The following NRG1 variants were observed in gnomAD, a reference collection of about 807,000 sequenced individuals.
The protein encoded by NRG1 is pro-neuregulin-1, membrane-bound isoform.
NRG1 carries 18 observed loss-of-function variants against 63.8 expected under a neutral mutation model. The ratio of observed to expected loss-of-function variants is 0.28; its 90% CI spans 0.19 to 0.42. The LOEUF (loss-of-function observed/expected upper bound fraction) is 0.42. NRG1 is among the 10% of genes least tolerant of loss of function. NRG1 has a pLI of 1.00. For missense variants in NRG1, 762 were observed against 814.7 expected, an observed-to-expected ratio of 0.94 and a Z score of 0.79; for synonymous variants, 302 against 301.3, an observed-to-expected ratio of 1.00 and a Z score of -0.02.
chr8:31,986,102 G>C (rs1362958995), intron 1 of NRG1, among the ~76,000 whole-genome samples: 1 of 152,114 alleles, frequency 6.6e-6, no homozygotes, highest in African/African-American at 2.4e-5. Flanking sequence ...GCCCTTGCTT[G>C]TGTCATAGGA....
chr8:32,330,293 A>T (rs1360761199), intron 1 of NRG1, among the ~76,000 whole-genome samples: 1 of 152,148 alleles, frequency 6.6e-6, no homozygotes, highest in Admixed American at 6.5e-5. Flanking sequence ...TCTATTACTT[A>T]CCAGTTGTAC....
intron 1 of NRG1, among the ~76,000 whole-genome samples, chr8:32,322,052 C>A (rs1204154087): frequency 6.6e-6 from 1 of 152,044 alleles, no homozygotes; most frequent in South Asian, 2.1e-4. Context: ...GTGGTGCATA[C>A]CTGTATCCCC....
chr8:32,267,154 AGAAGGAAGGAGAAAGAAG>A (rs1342840778), intron 1 of NRG1, among the ~76,000 whole-genome samples: 162 of 150,212 alleles, frequency 1.1e-3, no homozygotes, highest in East Asian at 9.0e-3. Context: ...GGAAGGAGAA[AGAAGGAAGGAGAAAGAAG>A]GAAGGAAGGA....
At chr8:31,893,587 A>G (rs2129614261) in intron 1 of NRG1, among the ~76,000 whole-genome samples, 1 of 151,816 alleles carries the variant, frequency 6.6e-6, no homozygotes, top group East Asian at 1.9e-4. Flanking sequence ...AAAAATCATA[A>G]GAGAAAACAA....
At chr8:32,047,666 A>G (rs1054562503) in intron 1 of NRG1, among the ~76,000 whole-genome samples, 1 of 152,010 alleles carries the variant, frequency 6.6e-6, no homozygotes, top group African/African-American at 2.4e-5. Flanking sequence ...AATTTTATTT[A>G]CTTACTGTGT....
At chr8:32,496,113 C>T (rs1019998806) in intron 1 of NRG1, among the ~76,000 whole-genome samples, 1 of 152,134 alleles carries the variant, frequency 6.6e-6, no homozygotes, top group Non-Finnish European at 1.5e-5. Context: ...AATTTTTTCA[C>T]AGAAGCCCTG....
intron 1 of NRG1, among the ~76,000 whole-genome samples, chr8:32,316,062 G>A (rs1857349047): frequency 6.6e-6 from 1 of 150,846 alleles, no homozygotes; most frequent in Non-Finnish European, 1.5e-5. Context: ...AGGACAGGGT[G>A]AAGAAAAACA....
chr8:32,033,243 C>T (rs907685195), intron 1 of NRG1, among the ~76,000 whole-genome samples: 11 of 151,812 alleles, frequency 7.2e-5, no homozygotes, highest in African/African-American at 2.2e-4. Flanking sequence ...TACAGGCACC[C>T]ACCACCATGC....
chr8:31,698,849 T>C lies in NRG1; in HGVS notation c.37+59418T>C, dbSNP rs564800434. Among the ~76,000 whole-genome samples the C allele has an allele frequency of 1.1e-4, 16 of 152,340 alleles. No homozygotes were observed. In the East Asian group the frequency reaches 2.9e-3, roughly 28 times the overall value. On this transcript the variant is annotated intron_variant, in intron 1 of 10. Coordinates refer to the NRG1 transcript ENST00000519301. ...ATTCCTGAAAAGCTAGATTATAATA[T>C]GTTACAGTACAACCTTGGGTTTGGC...
At chr8:32,079,601 A>G (rs947213853) in intron 1 of NRG1, among the ~76,000 whole-genome samples, 3 of 152,212 alleles carry the variant, frequency 2.0e-5, no homozygotes, top group African/African-American at 7.2e-5. Flanking sequence ...CAGGATTCAT[A>G]TCAATTTTCT....
chr8:32,270,964 G>A (rs1361681682), intron 1 of NRG1, among the ~76,000 whole-genome samples: 2 of 152,070 alleles, frequency 1.3e-5, no homozygotes, highest in African/African-American at 2.4e-5. Flanking sequence ...CTCTTCTGCT[G>A]CCCCTAAATT....
intron 2 of NRG1, among the ~76,000 whole-genome samples, chr8:32,601,415 A>G (rs1844333268): frequency 6.6e-6 from 1 of 152,140 alleles, no homozygotes; most frequent in African/African-American, 2.4e-5. Context: ...AATCTTTCCA[A>G]AGAGAAAACC....
chr8:31,926,123 A>C (rs555892724), intron 1 of NRG1, among the ~76,000 whole-genome samples: 1 of 152,192 alleles, frequency 6.6e-6, no homozygotes, highest in Non-Finnish European at 1.5e-5. Context: ...AGCTTGATGC[A>C]GTTAGAAAGT....
intron 1 of NRG1, among the ~76,000 whole-genome samples, chr8:31,738,869 T>C (rs1814963943): frequency 6.6e-6 from 1 of 152,084 alleles, no homozygotes; most frequent in African/African-American, 2.4e-5. Flanking sequence ...ACCAGCCAAA[T>C]TGGATTAAGG....
intron 1 of NRG1, among the ~76,000 whole-genome samples, chr8:32,444,058 C>T (rs1330850688): frequency 6.7e-6 from 1 of 149,114 alleles, no homozygotes; most frequent in East Asian, 2.0e-4. Flanking sequence ...TTTTCTTTCT[C>T]TCTCTCTTTC....
At chr8:32,657,238 G>A (rs1271510308) in intron 5 of NRG1, among the ~76,000 whole-genome samples, 5 of 151,740 alleles carry the variant, frequency 3.3e-5, no homozygotes, top group African/African-American at 1.2e-4. Context: ...TGTGTTGCCT[G>A]TATTGGTGTA....
chr8:31,651,278 G>A (rs950613315), intron 1 of NRG1, among the ~76,000 whole-genome samples: 2 of 152,186 alleles, frequency 1.3e-5, no homozygotes, highest in South Asian at 4.1e-4. Context: ...AAGCAAATAT[G>A]ATTGCCTCTG....
chr8:32,535,205 C>T (rs1196418370), intron 1 of NRG1, among the ~76,000 whole-genome samples: 1 of 152,092 alleles, frequency 6.6e-6, no homozygotes, highest in African/African-American at 2.4e-5. Flanking sequence ...AAACTTATGT[C>T]CTAGAACAAA....
chr8:32,220,543 A>G (rs1183166170), intron 1 of NRG1, among the ~76,000 whole-genome samples: 1 of 152,182 alleles, frequency 6.6e-6, no homozygotes, highest in Non-Finnish European at 1.5e-5. Flanking sequence ...AAAAAGCCCC[A>G]TTTCCAGAAA....
Sources: allele counts gnomAD v4.1 joint callset (sites outside exome capture counted in the v4.1 genomes callset), GRCh38; gene constraint gnomAD v4.1.1; transcripts MANE v1.5; gene names NCBI Gene and HGNC (gene_info 2026-07-23, HGNC 2026-07-21).